The following UNC13C variants were observed in gnomAD, a reference collection of about 807,000 sequenced individuals.
The protein encoded by UNC13C is unc-13 homolog C, also known as protein unc-13 homolog C.
A neutral mutation model predicts 245.4 loss-of-function variants in UNC13C; 174 were observed. The ratio of observed to expected loss-of-function variants is 0.71; its 90% CI spans 0.63 to 0.80. The LOEUF (loss-of-function observed/expected upper bound fraction) is 0.80. Ranked by LOEUF, UNC13C falls within the 30% of genes least tolerant of loss-of-function variation. The pLI, the probability that UNC13C is intolerant of heterozygous loss-of-function variation, is 0.00. For missense variants in UNC13C, 2,829 were observed against 2,602.9 expected (o/e 1.09, Z -1.89); for synonymous variants, 992 against 895.1 (o/e 1.11, Z -1.93).
At chr15:54,025,892 G>C (rs1896090124) in intron 2 of UNC13C, among the ~76,000 whole-genome samples, 1 of 152,162 alleles carries the variant, frequency 6.6e-6, no homozygotes, top group South Asian at 2.1e-4. Context: ...AGAAATGACA[G>C]CTTGAATATA....
intron 2 of UNC13C, among the ~76,000 whole-genome samples, chr15:54,132,640 A>G (rs1192166548): frequency 6.6e-6 from 1 of 152,232 alleles, no homozygotes; most frequent in Admixed American, 6.5e-5. Flanking sequence ...GTAAAGGCTA[A>G]TGACAGCTCA....
intron 2 of UNC13C, among the ~76,000 whole-genome samples, chr15:54,018,582 A>T (rs1895763111): frequency 6.6e-6 from 1 of 152,062 alleles, no homozygotes; most frequent in African/African-American, 2.4e-5. Flanking sequence ...AAATTCTTCC[A>T]TTGTTGCTGG....
intron 2 of UNC13C, among the ~76,000 whole-genome samples, chr15:54,120,495 A>G (rs1284043097): frequency 3.3e-5 from 5 of 152,196 alleles, no homozygotes; most frequent in African/African-American, 1.2e-4. Context: ...AAGGAGATGT[A>G]CAAAGAGATT....
chr15:54,600,705 A>C (rs1199483792), intron 30 of UNC13C, among the ~76,000 whole-genome samples: 1 of 152,144 alleles, frequency 6.6e-6, no homozygotes, highest in Admixed American at 6.6e-5. Flanking sequence ...TATACAAAAT[A>C]AATATTTTAT....
intron 2 of UNC13C, among the ~76,000 whole-genome samples, chr15:54,047,447 C>G (rs1231186000): frequency 6.6e-6 from 1 of 151,982 alleles, no homozygotes; most frequent in East Asian, 1.9e-4. Context: ...CTGGTAAACA[C>G]TGTTCTCCTT....
At chr15:54,599,774 T>C (rs1342354360) in intron 30 of UNC13C, among the ~76,000 whole-genome samples, 1 of 152,136 alleles carries the variant, frequency 6.6e-6, no homozygotes, top group Non-Finnish European at 1.5e-5. Flanking sequence ...AAGCCTATTA[T>C]GTTTCTGTCT....
At position 54,511,781 on chromosome 15, in the gene UNC13C, A is replaced by G. The variant is rs1429646691; in HGVS notation, c.5408A>G (p.Gln1803Arg). Reference protein sequence around the residue: ...VPCILMNNIQQLRVQLEKMFE... With the variant: ...VPCILMNNIQRLRVQLEKMFE... ...TGTATCTTGATGAACAATATTCAAC[A>G]ATTGCGGGTCCAGCTGGAAAAAATG... Residue 1803 changes from glutamine to arginine, a missense_variant, in exon 24 of 33, where the codon CAA (glutamine) becomes CGA (arginine). By Grantham distance (43) the Gln-to-Arg change is conservative (BLOSUM62 1). Transcript: ENST00000260323. The G allele has an allele frequency of 6.2e-6, 10 of 1,610,016 alleles. No homozygotes were observed. The highest frequency in any genetic ancestry group is 8.5e-6 in the Non-Finnish European group (10 of 1,178,204).
chr15:54,029,200 G>T (rs141823603), intron 2 of UNC13C, among the ~76,000 whole-genome samples: 1 of 152,284 alleles, frequency 6.6e-6, no homozygotes, highest in African/African-American at 2.4e-5. Context: ...TTCAGTTATT[G>T]ATGTTTTCAT....
chr15:54,108,998 C>T (rs1235112166), intron 2 of UNC13C, among the ~76,000 whole-genome samples: 8 of 152,110 alleles, frequency 5.3e-5, no homozygotes, highest in Admixed American at 5.2e-4. Flanking sequence ...AACATAGGTG[C>T]AAACTTTCAG....
intron 5 of UNC13C, among the ~76,000 whole-genome samples, 181 bp from the exon 6 acceptor site, chr15:54,236,249 G>C (rs577272505): frequency 1.3e-5 from 2 of 152,110 alleles, no homozygotes; most frequent in Non-Finnish European, 2.9e-5. Flanking sequence ...ATATGATCCT[G>C]ACTGAAAAGA....
rs753493983 is a variant in UNC13C, at chr15:54,013,057, T to C, written c.154T>C (p.Ser52Pro). ...QDFPTAGQTK[S>P]PKFSYTFKST... ...CTTCCCCACTGCTGGCCAGACCAAA[T>C]CCCCCAAATTTTCTTACACTTTTAA... The change falls in exon 2 of 33, where the codon TCC becomes CCC. Residue 52 changes from serine (S) to proline (P), a missense_variant. Coordinates refer to ENST00000260323, the MANE Select transcript of UNC13C (RefSeq NM_001080534.3). 2 of 1,613,674 alleles carry C rather than the reference T, an allele frequency of 1.2e-6. No homozygotes were observed. The highest frequency in any genetic ancestry group is 2.2e-5 in the South Asian group (2 of 91,064).
At chr15:53,953,827 A>G in the UNC13C span, among the ~76,000 whole-genome samples, 1 of 152,256 alleles carries the variant, frequency 6.6e-6, no homozygotes, top group Non-Finnish European at 1.5e-5. Context: ...AAGTTTCCAC[A>G]TCACAAAACT....
chr15:53,981,185 A>G (rs2140946109), intron 1 of UNC13C, among the ~76,000 whole-genome samples: 1 of 152,312 alleles, frequency 6.6e-6, no homozygotes, highest in East Asian at 1.9e-4. Flanking sequence ...TGCAATGCAT[A>G]AACCCTGCCA....
chr15:54,552,853 T>G (rs1336195059), intron 28 of UNC13C, among the ~76,000 whole-genome samples: 1 of 44,334 alleles, frequency 2.3e-5, no homozygotes, highest in African/African-American at 1.9e-4. Flanking sequence ...CAATATATAA[T>G]ATATATTAAT....
chr15:54,460,744 G>A (rs575767391), intron 19 of UNC13C, among the ~76,000 whole-genome samples: 24 of 152,224 alleles, frequency 1.6e-4, no homozygotes, highest in African/African-American at 2.9e-4. Context: ...GAATTTTTTC[G>A]GTTTTTCTGG....
intron 19 of UNC13C, among the ~76,000 whole-genome samples, chr15:54,428,778 C>T (rs561014806): frequency 2.7e-4 from 41 of 151,656 alleles, no homozygotes; most frequent in African/African-American, 9.7e-4. Context: ...AATCCCCAGG[C>T]AGTGTGCCCT....
rs1450024641 is a variant in UNC13C at position 54,322,102 on chromosome 15, A to G, written c.4425+7A>G. On this transcript the variant is annotated splice_region_variant and intron_variant, in intron 14 of 32. Coordinates refer to ENST00000260323, the MANE Select transcript of UNC13C (RefSeq NM_001080534.3). ...TGCTGCTACCAACTTTGGTGTAAGTATAATTTTTTAAACTTTAAAATTCCT... is the reference window on the plus strand; with the variant it reads ...TGCTGCTACCAACTTTGGTGTAAGTGTAATTTTTTAAACTTTAAAATTCCT... 3.9e-6 allele frequency: 6 copies of G among 1,544,782 alleles called. No individual in the cohort carries two copies. The South Asian group carries it at 4.9e-5, about 13-fold the overall frequency.
chr15:54,137,577 C>A (rs982567457), intron 2 of UNC13C, among the ~76,000 whole-genome samples: 1 of 152,080 alleles, frequency 6.6e-6, no homozygotes, highest in Admixed American at 6.5e-5. Context: ...AGTAATTTAT[C>A]CATTTCTTCC....
the UNC13C span, among the ~76,000 whole-genome samples, chr15:53,850,679 A>G: frequency 1.5e-4 from 23 of 151,998 alleles, no homozygotes; most frequent in Non-Finnish European, 2.5e-4. Context: ...TGTTAATTCT[A>G]CTTAGGTTTT....
Sources: gnomAD v4.1 joint callset for allele counts (sites outside exome capture counted in the v4.1 genomes callset) on GRCh38, gnomAD v4.1.1 for gene constraint, MANE v1.5 for transcripts, NCBI Gene and HGNC (gene_info 2026-07-23, HGNC 2026-07-21) for gene names.